POLDIP3: variants seen among roughly 807,000 people sequenced by gnomAD.
POLDIP3 encodes the protein DNA polymerase delta interacting protein 3, also known as polymerase delta-interacting protein 3.
In POLDIP3, 14 loss-of-function variants were observed where a neutral mutation model predicts 45.1. That is an observed-to-expected ratio of 0.31 (90% CI 0.20 to 0.49). The LOEUF (loss-of-function observed/expected upper bound fraction) is 0.49, where lower values mean the gene tolerates loss of function less well. Among genes scored for constraint, POLDIP3 ranks in the 20% least tolerant of loss-of-function variants. The pLI, the probability that POLDIP3 is intolerant of heterozygous loss-of-function variation, is 0.99. For synonymous variants in POLDIP3, 223 were observed against 205.2 expected (o/e 1.09, Z -0.74); for missense variants, 511 against 538.8 (o/e 0.95, Z 0.51).
intron 4 of POLDIP3, among the ~76,000 whole-genome samples, chr22:42,598,735 T>C (rs1409786755): frequency 6.6e-6 from 1 of 152,138 alleles, no homozygotes; most frequent in Non-Finnish European, 1.5e-5. Context: ...CTCAGGACAG[T>C]AACCAAAACT....
rs186544299 is a variant in POLDIP3 at position 42,592,510 on chromosome 22, T to G, written c.892-426A>C. Among the ~76,000 whole-genome samples the G allele has an allele frequency of 6.8e-3, 1,035 of 152,362 alleles. 24 individuals carry two copies. The highest frequency in any genetic ancestry group is 0.048 in the Admixed American group (729 of 15,302). On this transcript the variant is annotated intron_variant, in intron 6 of 8. Coordinates refer to ENST00000252115, the MANE Select transcript of POLDIP3 (RefSeq NM_032311.5). ...GTTCTACCCAGAGTCCTGGTTTGGC[T>G]GGACTGAAGGGTTTCCCTGGACATG...
chr22:42,585,735 TG>T lies in POLDIP3; in HGVS notation c.*55del. On this transcript the variant is annotated 3_prime_UTR_variant, in exon 9 of 9. Transcript: ENST00000252115. ...GGCCCATTGGTCATAAGCTTTGCCTTGGGGAAACAGAGCCACCCTCCTCTGC... is the reference window on the plus strand; with the variant it reads ...GGCCCATTGGTCATAAGCTTTGCCTTGGGAAACAGAGCCACCCTCCTCTGC... 1 of 1,559,560 alleles carries T rather than the reference TG, an allele frequency of 6.4e-7. No individual in the cohort carries two copies.
intron 4 of POLDIP3, chr22:42,597,780 CTTT>C (rs137103): frequency 4.7e-3 from 1,797 of 385,274 alleles, no homozygotes; most frequent in Admixed American, 6.8e-3. Flanking sequence ...TTCACGACCT[CTTT>C]TTTTTTTTTT....
intron 7 of POLDIP3, among the ~76,000 whole-genome samples, chr22:42,588,971 TG>T (rs1925497295): frequency 6.6e-6 from 1 of 152,212 alleles, no homozygotes; most frequent in South Asian, 2.1e-4. Flanking sequence ...CCAGGCTTGG[TG>T]GCTCATGCCT....
intron 3 of POLDIP3, 53 bp downstream of exon 3, chr22:42,601,917 T>C (rs1926405170): frequency 1.9e-6 from 3 of 1,584,216 alleles, no homozygotes; most frequent in Non-Finnish European, 2.6e-6. Flanking sequence ...CACACCTACA[T>C]GTTCGCTATG....
chr22:42,606,614 C>T (rs573453672), intron 1 of POLDIP3, among the ~76,000 whole-genome samples: 39 of 152,272 alleles, frequency 2.6e-4, no homozygotes, highest in African/African-American at 9.1e-4. Flanking sequence ...CAGAGCAAGA[C>T]CCTGTCTCAA....
intron 8 of POLDIP3, 121 bp downstream of exon 8, chr22:42,587,385 T>A (rs1360505233): frequency 9.4e-7 from 1 of 1,058,684 alleles, no homozygotes; most frequent in African/African-American, 1.6e-5. Flanking sequence ...CCAGCTGCCA[T>A]TAGAACAGAG....
At chr22:42,610,031 G>A (rs530320792) in intron 1 of POLDIP3, among the ~76,000 whole-genome samples, 11 of 152,166 alleles carry the variant, frequency 7.2e-5, no homozygotes, top group Admixed American at 1.3e-4. Flanking sequence ...AAAATTAGCC[G>A]GGCGTAGTGG....
At position 42,603,036 on chromosome 22, in the gene POLDIP3, G is replaced by C. The variant is rs769702488; in HGVS notation, c.184C>G (p.Leu62Val). ...QRFDARQKIG[L>V]SDARLKLGVK... is the part of the protein sequence containing the mutation. ...CCCAGTTTGAGCCGGGCATCTGAGA[G>C]GCCAATCTTCTGCCGGGCATCAAAT... The change falls in exon 2 of 9, where the codon CTC becomes GTC. Residue 62 changes from leucine (L) to valine (V), a missense_variant. Transcript: ENST00000252115. The C allele has an allele frequency of 9.9e-6, 16 of 1,614,160 alleles. No individual in the cohort carries two copies. Among genetic ancestry groups the C allele is most frequent in the Non-Finnish European group, 1.4e-5 (16 of 1,180,018 alleles).
chr22:42,613,310 T>C (rs2146842559), intron 1 of POLDIP3, among the ~76,000 whole-genome samples: 1 of 152,314 alleles, frequency 6.6e-6, no homozygotes, highest in South Asian at 2.1e-4. Flanking sequence ...GTGTGCCCGT[T>C]ACGAACCACA....
intron 7 of POLDIP3, among the ~76,000 whole-genome samples, chr22:42,588,548 T>C (rs910770278): frequency 2.6e-5 from 4 of 151,222 alleles, no homozygotes; most frequent in Non-Finnish European, 4.4e-5. Context: ...CAAAGACAGA[T>C]TGTCAGATTG....
chr22:42,585,611 G>T lies in POLDIP3; in HGVS notation c.*180C>A. The T allele has an allele frequency of 1.5e-6, 1 of 686,914 alleles. No individual in the cohort carries two copies. The highest frequency in any genetic ancestry group is 2.7e-5 in the Admixed American group (1 of 36,874). The allele number at this position is 686,914 out of a possible 1,614,324, so 42.6% of individuals were successfully genotyped here. A position where few individuals can be genotyped will look rare whatever the true frequency, so the allele number is the denominator to read the frequency against. On this transcript the variant is annotated 3_prime_UTR_variant, in exon 9 of 9. Transcript: ENST00000252115. ...AGGAAACGTTAACGTAGAGAGAAGA[G>T]CACAGGGCAGAACACAACACAGAAA...
rs1338977586 is a variant in POLDIP3 at position 42,584,323 on chromosome 22, C to G, written c.*1468G>C. 1 of 157,326 alleles carries G rather than the reference C, an allele frequency of 6.4e-6. No homozygotes were observed. Among genetic ancestry groups the G allele is most frequent in the African/African-American group, 2.4e-5 (1 of 41,472 alleles). The allele number at this position is 157,326 out of a possible 1,614,324, so 9.7% of individuals were successfully genotyped here. A position where few individuals can be genotyped will look rare whatever the true frequency, so the allele number is the denominator to read the frequency against. On this transcript the variant is annotated 3_prime_UTR_variant, in exon 9 of 9. Transcript: ENST00000252115. ...CTTGGACTTTCCCGTCCTGGGCAGC[C>G]TCAGAGCCTGCACACTGAAGCTGGG...
chr22:42,593,638 C>T (rs898349570), intron 6 of POLDIP3, among the ~76,000 whole-genome samples: 3 of 152,202 alleles, frequency 2.0e-5, no homozygotes, highest in African/African-American at 7.2e-5. Context: ...CCTGCCTTAG[C>T]CTCCTGAGTA....
At chr22:42,609,747 G>C (rs985069944) in intron 1 of POLDIP3, among the ~76,000 whole-genome samples, 1 of 151,842 alleles carries the variant, frequency 6.6e-6, no homozygotes, top group Non-Finnish European at 1.5e-5. Flanking sequence ...AAAGCTTCTG[G>C]GTTAGGGGGT....
chr22:42,611,908 C>T (rs1400325340), intron 1 of POLDIP3, among the ~76,000 whole-genome samples: 1 of 152,100 alleles, frequency 6.6e-6, no homozygotes, highest in African/African-American at 2.4e-5. Context: ...TAAAAATAAA[C>T]TTACTGCAGG....
chr22:42,597,575 G>A (rs1926072523), intron 4 of POLDIP3: 2 of 378,854 alleles, frequency 5.3e-6, no homozygotes, highest in African/African-American at 2.1e-5. Flanking sequence ...ATCCATCAAC[G>A]AGGGTAATCA....
At position 42,584,859 on chromosome 22, in the gene POLDIP3, G is replaced by A; in HGVS notation, c.*932C>T. 2 of 455,970 alleles carry A rather than the reference G, an allele frequency of 4.4e-6. No homozygotes were observed. Among genetic ancestry groups the A allele is most frequent in the East Asian group, 6.9e-5 (1 of 14,400 alleles). 28.2% of individuals were successfully genotyped at this position (455,970 alleles called of 1,614,324 possible). ...AGACAACTGAGGCCAGAAATGGAGAGCCAGGAACAAACTGACCTCTTCCAT... is the reference window on the plus strand; with the variant it reads ...AGACAACTGAGGCCAGAAATGGAGAACCAGGAACAAACTGACCTCTTCCAT... On this transcript the variant is annotated 3_prime_UTR_variant, in exon 9 of 9. Coordinates refer to ENST00000252115, the MANE Select transcript of POLDIP3 (RefSeq NM_032311.5).
At chr22:42,611,471 A>C (rs1927112385) in intron 1 of POLDIP3, among the ~76,000 whole-genome samples, 1 of 152,234 alleles carries the variant, frequency 6.6e-6, no homozygotes, top group South Asian at 2.1e-4. Flanking sequence ...ACACTTCCAC[A>C]AGCTGGATCT....
Sources: allele counts gnomAD v4.1 joint callset (sites outside exome capture counted in the v4.1 genomes callset), GRCh38; gene constraint gnomAD v4.1.1; transcripts MANE v1.5; gene names NCBI Gene and HGNC (gene_info 2026-07-23, HGNC 2026-07-21).